Variants in KCNN2 observed in about 807,000 individuals in gnomAD.
The protein encoded by KCNN2 is small conductance calcium-activated potassium channel protein 2.
In KCNN2, 24 loss-of-function variants were observed where a neutral mutation model predicts 55.5. That is an observed-to-expected ratio of 0.43 (90% CI 0.31 to 0.61). KCNN2 has a LOEUF of 0.61. Among genes scored for constraint, KCNN2 ranks in the 20% least tolerant of loss-of-function variants. The pLI, the probability that KCNN2 is intolerant of heterozygous loss-of-function variation, is 0.08. For missense variants in KCNN2, 754 were observed against 853.6 expected (o/e 0.88, Z 1.45); for synonymous variants, 431 against 336.1 (o/e 1.28, Z -3.09).
chr5:114,297,955 C>T (rs1000087790), intron 2 of KCNN2, among the ~76,000 whole-genome samples: 13 of 151,832 alleles, frequency 8.6e-5, no homozygotes, highest in Non-Finnish European at 2.9e-5. Context: ...TATTCCATTC[C>T]CTGAAAGAAA....
intron 3 of KCNN2, among the ~76,000 whole-genome samples, chr5:114,434,327 G>T (rs565380788): frequency 6.3e-4 from 95 of 151,540 alleles, no homozygotes; most frequent in African/African-American, 1.8e-3. Context: ...TTTCTTTTTG[G>T]TTTTTTCTTA....
chr5:114,282,015 A>T (rs1313919871), intron 2 of KCNN2, among the ~76,000 whole-genome samples: 1 of 152,072 alleles, frequency 6.6e-6, no homozygotes, highest in Admixed American at 6.6e-5. Context: ...AAACACTTGT[A>T]TGTAAATGCT....
rs1759337253 is a variant in KCNN2 at position 114,417,370 on chromosome 5, A to G, written c.1637+12514A>G. ...TTCTACTATTTAGTAAGGTGTTTTT[A>G]TTGTTTTATTTTGTTTTGCTTTTAA... is the stretch of plus-strand genomic sequence containing the variant. On this transcript the variant is annotated intron_variant, in intron 3 of 7. Coordinates refer to ENST00000673685, the MANE Select transcript of KCNN2 (RefSeq NM_021614.4). Among the ~76,000 whole-genome samples, 5 of 151,812 alleles carry G rather than the reference A, an allele frequency of 3.3e-5. 1 individual carries two copies. The South Asian group carries it at 1.0e-3, about 32-fold the overall frequency.
chr5:114,489,595 G>C (rs1747749569), intron 6 of KCNN2, among the ~76,000 whole-genome samples: 1 of 152,154 alleles, frequency 6.6e-6, no homozygotes, highest in Non-Finnish European at 1.5e-5. Context: ...GGGTTACCGG[G>C]TTTCCATTAC....
chr5:114,375,952 G>GTGTATATATATATATATATATATA (rs1249028214), intron 2 of KCNN2, among the ~76,000 whole-genome samples: 41 of 104,694 alleles, frequency 3.9e-4, no homozygotes, highest in African/African-American at 7.1e-4. Flanking sequence ...GACTCACAGT[G>GTGTATATATATATATATATATATA]TATATATATA....
chr5:114,403,271 C>G (rs1758839215), intron 2 of KCNN2, among the ~76,000 whole-genome samples: 2 of 152,094 alleles, frequency 1.3e-5, no homozygotes, highest in African/African-American at 4.8e-5. Flanking sequence ...ACTGCCGGGT[C>G]ATTCAGGGTC....
chr5:114,140,357 G>C (rs1160822818), intron 1 of KCNN2, among the ~76,000 whole-genome samples: 1 of 152,148 alleles, frequency 6.6e-6, no homozygotes, highest in East Asian at 1.9e-4. Flanking sequence ...TATGGGCTGT[G>C]CTGCTTTGCC....
intron 2 of KCNN2, among the ~76,000 whole-genome samples, chr5:114,379,049 G>C (rs1309781010): frequency 6.6e-6 from 1 of 152,014 alleles, no homozygotes; most frequent in Non-Finnish European, 1.5e-5. Flanking sequence ...CTGCCTACTG[G>C]CAACTCCCCT....
chr5:114,129,172 GA>G (rs1429130472), intron 1 of KCNN2, among the ~76,000 whole-genome samples: 2 of 152,132 alleles, frequency 1.3e-5, no homozygotes, highest in African/African-American at 4.8e-5. Flanking sequence ...AAGGAATGAG[GA>G]AGATAGGTTC....
At chr5:114,293,431 C>T (rs1226258785) in intron 2 of KCNN2, among the ~76,000 whole-genome samples, 4 of 152,122 alleles carry the variant, frequency 2.6e-5, no homozygotes, top group Non-Finnish European at 4.4e-5. Context: ...AAGGCCATTT[C>T]TGCATCTATT....
chr5:114,074,448 T>G (rs913851057), intron 1 of KCNN2, among the ~76,000 whole-genome samples: 2 of 152,160 alleles, frequency 1.3e-5, no homozygotes. Context: ...TCCCCCTCAC[T>G]TATGCAGGCA....
intron 3 of KCNN2, among the ~76,000 whole-genome samples, chr5:114,440,567 G>A (rs1760167720): frequency 6.6e-6 from 1 of 151,426 alleles, no homozygotes; most frequent in Non-Finnish European, 1.5e-5. Context: ...CCAAAAATGA[G>A]TACTTGGGAG....
intron 2 of KCNN2, among the ~76,000 whole-genome samples, chr5:114,232,557 A>T (rs1380599557): frequency 6.6e-6 from 1 of 151,188 alleles, no homozygotes; most frequent in Non-Finnish European, 1.5e-5. Context: ...TGTGTCCACG[A>T]TAATGAGTAC....
chr5:114,211,996 A>G (rs1417439518), intron 1 of KCNN2, among the ~76,000 whole-genome samples: 2 of 151,192 alleles, frequency 1.3e-5, no homozygotes, highest in African/African-American at 4.8e-5. Flanking sequence ...AAAATATTAT[A>G]TATTTTATTA....
chr5:114,245,551 C>G (rs1312027853), intron 2 of KCNN2, among the ~76,000 whole-genome samples: 2 of 152,186 alleles, frequency 1.3e-5, no homozygotes, highest in African/African-American at 4.8e-5. Flanking sequence ...CTCACTGCAG[C>G]CACACTATAG....
chr5:114,060,491 A>C (rs1260083783), intron 1 of KCNN2, among the ~76,000 whole-genome samples: 1 of 152,192 alleles, frequency 6.6e-6, no homozygotes, highest in Non-Finnish European at 1.5e-5. Flanking sequence ...GAAAATGAAG[A>C]ATTTTTTTTG....
chr5:114,137,042 A>G (rs1417991311), intron 1 of KCNN2, among the ~76,000 whole-genome samples: 1 of 152,174 alleles, frequency 6.6e-6, no homozygotes, highest in African/African-American at 2.4e-5. Flanking sequence ...TGGTAGATAG[A>G]AACTGCTTTC....
At chr5:114,083,208 T>C (rs1750862024) in intron 1 of KCNN2, among the ~76,000 whole-genome samples, 1 of 152,098 alleles carries the variant, frequency 6.6e-6, no homozygotes, top group Non-Finnish European at 1.5e-5. Context: ...GGTTTATTCT[T>C]TGAAAATTTT....
chr5:114,432,823 G>C (rs1020284663), intron 3 of KCNN2, among the ~76,000 whole-genome samples: 8 of 152,210 alleles, frequency 5.3e-5, no homozygotes, highest in Non-Finnish European at 1.0e-4. Context: ...CTTAGCACCT[G>C]GGCCAGCGGC....
Sources: allele counts gnomAD v4.1 joint callset (sites outside exome capture counted in the v4.1 genomes callset), GRCh38; gene constraint gnomAD v4.1.1; transcripts MANE v1.5; gene names NCBI Gene and HGNC (gene_info 2026-07-23, HGNC 2026-07-21).